Variants in NBEAL1 observed in about 807,000 individuals in gnomAD.
The protein encoded by NBEAL1 is neurobeachin like 1.
A neutral mutation model predicts 351.3 loss-of-function variants in NBEAL1; 273 were observed. The observed-to-expected ratio is 0.78, with a 90% CI of 0.70 to 0.86. The LOEUF (loss-of-function observed/expected upper bound fraction) is 0.86. Ranked by LOEUF, NBEAL1 falls within the 40% of genes least tolerant of loss-of-function variation. The pLI is 0.00. For synonymous variants in NBEAL1, 1,050 were observed against 1,086.4 expected, an observed-to-expected ratio of 0.97 and a Z score of 0.66; for missense variants, 2,961 against 3,201.3, an observed-to-expected ratio of 0.92 and a Z score of 1.81.
At chr2:203,059,402 C>G (rs551739748) in intron 6 of NBEAL1, among the ~76,000 whole-genome samples, 41 of 152,328 alleles carry the variant, frequency 2.7e-4, no homozygotes, top group African/African-American at 9.4e-4. Flanking sequence ...GGCAGAGAGC[C>G]TCTACTCATC....
In NBEAL1 at chr2:203,210,959, A is replaced by C. The variant is rs373370203; in HGVS notation, c.7787A>C (p.Asp2596Ala). 1.0e-5 allele frequency: 16 copies of C among 1,564,550 alleles called. 1 individual carries two copies. Among genetic ancestry groups the C allele is most frequent in the Admixed American group, 7.7e-5 (4 of 51,724 alleles). ...SSTEEKTTLK[D>A]KNALHLFSIN... ...TGAATTTTCCTTAATTCTTTTCAGG[A>C]TAAGAATGCATTACATCTGTTTTCT... The change falls in exon 54 of 56, where the codon GAT becomes GCT. Residue 2596 changes from aspartate (D) to alanine (A), a missense_variant and splice_region_variant. Physicochemically the swap from Asp to Ala is moderately radical, Grantham distance 126. Coordinates refer to ENST00000683969, the MANE Select transcript of NBEAL1 (RefSeq NM_001378026.1).
At chr2:203,216,866 C>T (rs536883905) in intron 55 of NBEAL1, among the ~76,000 whole-genome samples, 4 of 152,198 alleles carry the variant, frequency 2.6e-5, no homozygotes, top group South Asian at 2.1e-4. Flanking sequence ...GACAGTGGCA[C>T]GATCTTGGCT....
At position 203,207,580 on chromosome 2, in the gene NBEAL1, C is replaced by T. The variant is rs542739057; in HGVS notation, c.7507-1057C>T. On this transcript the variant is annotated intron_variant, in intron 51 of 55. Coordinates refer to ENST00000683969, the MANE Select transcript of NBEAL1 (RefSeq NM_001378026.1). ...TTGTTCTGTACTAAGAAAAATTCTTCTGCCTTGGGATCCTGTTGATCTGTG... is the reference window on the plus strand; with the variant it reads ...TTGTTCTGTACTAAGAAAAATTCTTTTGCCTTGGGATCCTGTTGATCTGTG... Among the ~76,000 whole-genome samples, 523 of 152,330 alleles carry T rather than the reference C, an allele frequency of 3.4e-3. 3 individuals are homozygous for T. Among genetic ancestry groups the T allele is most frequent in the African/African-American group, 0.012 (491 of 41,574 alleles).
At chr2:203,171,034 AT>A (rs1176579075) in intron 39 of NBEAL1, among the ~76,000 whole-genome samples, 1 of 152,178 alleles carries the variant, frequency 6.6e-6, no homozygotes, top group Admixed American at 6.5e-5. Context: ...AGGCTGGTGG[AT>A]CCCCTGAGGT....
chr2:203,049,913 G>A lies in NBEAL1; in HGVS notation c.243G>A (p.Gly81=), dbSNP rs748708680. 3.2e-6 allele frequency: 5 copies of A among 1,556,732 alleles called. No individual in the cohort carries two copies. In the South Asian group the frequency reaches 4.7e-5, roughly 15 times the overall value. The part of the protein sequence containing the change: ...LLQCVQKMAD[G]LEEQQQALSI... ...AGTGTGTTCAGAAAATGGCAGATGGGTTAGAGGAACAACAGCAAGCCTTGT... is the reference window on the plus strand; with the variant it reads ...AGTGTGTTCAGAAAATGGCAGATGGATTAGAGGAACAACAGCAAGCCTTGT... Residue 81 remains glycine, a synonymous_variant, in exon 4 of 56, where the codon GGG becomes GGA. Transcript: ENST00000683969.
At chr2:203,102,426 G>A (rs993020223) in intron 12 of NBEAL1, among the ~76,000 whole-genome samples, 4 of 152,192 alleles carry the variant, frequency 2.6e-5, no homozygotes, top group Non-Finnish European at 5.9e-5. Context: ...TCCCCATTCA[G>A]TATGATGTTG....
Position 203,135,671 on chromosome 2 carries a change from T to A in NBEAL1, c.3814-6T>A. 6.8e-7 allele frequency: 1 copy of A among 1,476,424 alleles called. No homozygotes were observed. Among genetic ancestry groups the A allele is most frequent in the Non-Finnish European group, 9.0e-7 (1 of 1,112,162 alleles). The allele number at this position is 1,476,424 out of a possible 1,614,324, so 91.5% of individuals were successfully genotyped here. A position where few individuals can be genotyped will look rare whatever the true frequency, so the allele number is the denominator to read the frequency against. On this transcript the variant is annotated splice_polypyrimidine_tract_variant and splice_region_variant and intron_variant, in intron 27 of 55. Transcript: ENST00000683969. ...GAAGAATTTTGTATTCTAAATCTTT[T>A]TACAGGTTTTGCAAATTTTGCAGTT...
intron 46 of NBEAL1, among the ~76,000 whole-genome samples, chr2:203,192,361 G>A (rs2065115761): frequency 6.6e-6 from 1 of 151,706 alleles, no homozygotes; most frequent in Non-Finnish European, 1.5e-5. Context: ...TTGAAATAAA[G>A]TGAATAATAT....
intron 48 of NBEAL1, among the ~76,000 whole-genome samples, chr2:203,199,066 G>A (rs528078801): frequency 4.0e-5 from 6 of 151,710 alleles, no homozygotes; most frequent in South Asian, 2.1e-4. Context: ...GCATGGTGGC[G>A]CATGCCTGAA....
intron 19 of NBEAL1, 33 bp from the exon 20 acceptor site, chr2:203,125,319 T>A: frequency 7.2e-7 from 1 of 1,384,168 alleles, no homozygotes; most frequent in South Asian, 1.7e-5. Flanking sequence ...GTCCTCCTTT[T>A]ATAAGATTTA....
intron 37 of NBEAL1, 123 bp from the exon 38 acceptor site, chr2:203,167,104 T>C: frequency 1.2e-6 from 1 of 835,862 alleles, no homozygotes; most frequent in Non-Finnish European, 1.8e-6. Flanking sequence ...ACAAATGGTT[T>C]ATATAGTACA....
rs13427536 is a variant in NBEAL1 at position 203,114,298 on chromosome 2, T to C, written c.2506+980T>C. Among the ~76,000 whole-genome samples, 707 of 152,282 alleles carry C rather than the reference T, an allele frequency of 4.6e-3. 5 individuals carry two copies. Among genetic ancestry groups the C allele is most frequent in the African/African-American group, 0.016 (678 of 41,546 alleles). On this transcript the variant is annotated intron_variant, in intron 17 of 55. Coordinates refer to ENST00000683969, the MANE Select transcript of NBEAL1 (RefSeq NM_001378026.1). ...CAGTCCATAACACTGCCAGTACTTT[T>C]GACAGATTTTAATGAATTGATGAAA...
At chr2:203,072,293 C>T (rs1246797715) in intron 7 of NBEAL1, among the ~76,000 whole-genome samples, 1 of 152,140 alleles carries the variant, frequency 6.6e-6, no homozygotes. Context: ...CTGGTATAAT[C>T]CCGTATCCAT....
intron 2 of NBEAL1, 132 bp downstream of exon 2, chr2:203,016,567 T>G: frequency 2.0e-6 from 1 of 511,342 alleles, no homozygotes; most frequent in Non-Finnish European, 3.2e-6. Context: ...CTTAAAAGCG[T>G]TTAAAGGATT....
rs758936224 is a variant in NBEAL1, at chr2:203,195,180, C to CA, written c.7038+1282dup. On this transcript the variant is annotated intron_variant, in intron 47 of 55. Coordinates refer to ENST00000683969, the MANE Select transcript of NBEAL1 (RefSeq NM_001378026.1). ...CTGCACTCAGAGCGAGACTCCATCT[C>CA]AAAAAAAAAAAAACAGTTAAAGCTT... Among the ~76,000 whole-genome samples, 493 of 123,980 alleles carry CA rather than the reference C, an allele frequency of 4.0e-3. 5 individuals are homozygous for CA. The highest frequency in any genetic ancestry group is 8.3e-3 in the Middle Eastern group (2 of 240). The allele number at this position is 123,980 out of a possible 152,430, so 81.3% of individuals were successfully genotyped here.
At chr2:203,075,205 G>A (rs1405356753) in intron 7 of NBEAL1, 1 of 152,072 alleles carries the variant, frequency 6.6e-6, no homozygotes, top group Non-Finnish European at 1.5e-5. Context: ...TTCCTTTATG[G>A]CAAGAGAAAA....
intron 17 of NBEAL1, among the ~76,000 whole-genome samples, 191 bp downstream of exon 17, chr2:203,113,509 T>C (rs1378396023): frequency 1.3e-5 from 2 of 152,196 alleles, no homozygotes; most frequent in Non-Finnish European, 2.9e-5. Context: ...AGTTTTTGTT[T>C]TGTAGGCATA....
chr2:203,028,899 G>A (rs2060904678), intron 2 of NBEAL1, among the ~76,000 whole-genome samples: 1 of 151,950 alleles, frequency 6.6e-6, no homozygotes, highest in South Asian at 2.1e-4. Context: ...TATACCCCCT[G>A]TCCCCACACA....
At chr2:203,151,380 T>C in intron 34 of NBEAL1, 85 bp from the exon 35 acceptor site, 1 of 982,690 alleles carries the variant, frequency 1.0e-6, no homozygotes, top group Admixed American at 2.9e-5. Flanking sequence ...GTAAAATACT[T>C]GATACTTTTT....
Sources: allele counts gnomAD v4.1 joint callset (sites outside exome capture counted in the v4.1 genomes callset), GRCh38; gene constraint gnomAD v4.1.1; transcripts MANE v1.5; gene names NCBI Gene and HGNC (gene_info 2026-07-23, HGNC 2026-07-21).